The following TRDN variants were observed in gnomAD, a reference collection of about 807,000 sequenced individuals.
The protein encoded by TRDN is triadin.
TRDN carries 161 observed loss-of-function variants against 149.7 expected under a neutral mutation model. The ratio of observed to expected loss-of-function variants is 1.08; its 90% CI spans 0.95 to 1.23. TRDN has a LOEUF of 1.23. Among genes scored for constraint, TRDN ranks in the 50% most tolerant of loss-of-function variants. The probability of loss-of-function intolerance (pLI) is 0.00; values close to 1 mark genes in which losing one functional copy is unlikely to be tolerated. For synonymous variants in TRDN, 294 were observed against 250.5 expected (o/e 1.17, Z -1.64); for missense variants, 896 against 823.5 (o/e 1.09, Z -1.08).
chr6:123,309,584 A>C (rs1778737840), intron 24 of TRDN, among the ~76,000 whole-genome samples: 1 of 151,966 alleles, frequency 6.6e-6, no homozygotes. Flanking sequence ...GTTCCATCAT[A>C]CTTTATAGTA....
chr6:123,597,588 A>G (rs909437373), intron 1 of TRDN, among the ~76,000 whole-genome samples: 7 of 152,046 alleles, frequency 4.6e-5, no homozygotes, highest in Admixed American at 3.9e-4. Flanking sequence ...CGATGCAGCA[A>G]ACTTCATTGT....
At chr6:123,423,456 C>T (rs1018914429) in intron 12 of TRDN, among the ~76,000 whole-genome samples, 3 of 152,056 alleles carry the variant, frequency 2.0e-5, no homozygotes, top group African/African-American at 4.8e-5. Flanking sequence ...TATAAGAAGT[C>T]GTGCAGCAAG....
At chr6:123,596,529 A>G (rs1784045467) in intron 1 of TRDN, among the ~76,000 whole-genome samples, 1 of 152,080 alleles carries the variant, frequency 6.6e-6, no homozygotes, top group South Asian at 2.1e-4. Context: ...GCCATTTAGG[A>G]TTTTTATAAA....
intron 12 of TRDN, among the ~76,000 whole-genome samples, chr6:123,397,752 TTAAC>T (rs1485832724): frequency 2.6e-5 from 4 of 152,192 alleles, no homozygotes; most frequent in African/African-American, 9.6e-5. Flanking sequence ...TTTTGTAAAA[TTAAC>T]TAATTTAGAC....
intron 38 of TRDN, among the ~76,000 whole-genome samples, chr6:123,252,109 T>C (rs1344932387): frequency 6.6e-6 from 1 of 152,116 alleles, no homozygotes; most frequent in East Asian, 1.9e-4. Flanking sequence ...AGATACAGAA[T>C]TATTTTATTT....
intron 5 of TRDN, among the ~76,000 whole-genome samples, chr6:123,522,542 A>C (rs13198128): frequency 0.21 from 12,657 of 61,456 alleles, 905 homozygotes; most frequent in South Asian, 0.35. Flanking sequence ...TTTTTTTTGC[A>C]TTTTCCAAAT....
chr6:123,554,810 C>A (rs1781566822), intron 2 of TRDN, among the ~76,000 whole-genome samples: 1 of 152,130 alleles, frequency 6.6e-6, no homozygotes, highest in Non-Finnish European at 1.5e-5. Context: ...ATGCTCTTTC[C>A]ACTAAGTCAA....
At chr6:123,376,247 C>T (rs959608869) in intron 18 of TRDN, among the ~76,000 whole-genome samples, 1 of 152,066 alleles carries the variant, frequency 6.6e-6, no homozygotes. Flanking sequence ...TTCTTACATG[C>T]GTAAGTGAGA....
chr6:123,511,400 G>A (rs1297625532), intron 7 of TRDN, among the ~76,000 whole-genome samples: 1 of 151,976 alleles, frequency 6.6e-6, no homozygotes, highest in East Asian at 1.9e-4. Flanking sequence ...ACCCTGATTT[G>A]ATCATTATAT....
At chr6:123,405,736 A>G (rs1773167748) in intron 12 of TRDN, among the ~76,000 whole-genome samples, 1 of 152,190 alleles carries the variant, frequency 6.6e-6, no homozygotes, top group Admixed American at 6.5e-5. Context: ...AATTTAATTT[A>G]AAAAACAAAT....
intron 40 of TRDN, among the ~76,000 whole-genome samples, chr6:123,219,388 C>A (rs1195606685): frequency 6.6e-6 from 1 of 151,732 alleles, no homozygotes; most frequent in East Asian, 1.9e-4. Context: ...TAAAAGATGG[C>A]GAGTTTAGCA....
chr6:123,371,809 C>T (rs961344640), intron 19 of TRDN, among the ~76,000 whole-genome samples: 5 of 152,058 alleles, frequency 3.3e-5, no homozygotes, highest in African/African-American at 9.7e-5. Flanking sequence ...AAGGCAGTCC[C>T]AGGTCTCTCA....
chr6:123,531,744 C>T (rs1412933488), intron 4 of TRDN, among the ~76,000 whole-genome samples: 1 of 152,046 alleles, frequency 6.6e-6, no homozygotes, highest in Non-Finnish European at 1.5e-5. Context: ...AGGAAATGCC[C>T]ATCTTCCTGT....
chr6:123,636,679 A>T, intron 1 of TRDN, 75 bp downstream of exon 1: 1 of 1,545,202 alleles, frequency 6.5e-7, no homozygotes, highest in South Asian at 1.1e-5. Context: ...AAATGGACAC[A>T]TCGACAGTTA....
At chr6:123,564,443 G>A (rs1379245176) in intron 2 of TRDN, among the ~76,000 whole-genome samples, 2 of 152,110 alleles carry the variant, frequency 1.3e-5, no homozygotes, top group Non-Finnish European at 2.9e-5. Context: ...TGTTAAATTT[G>A]TACTTTCTGA....
intron 12 of TRDN, among the ~76,000 whole-genome samples, chr6:123,401,714 G>C (rs577002548): frequency 1.8e-4 from 27 of 152,224 alleles, no homozygotes; most frequent in South Asian, 1.5e-3. Flanking sequence ...GGACACCAAG[G>C]TAGGTGGATC....
intron 24 of TRDN, among the ~76,000 whole-genome samples, chr6:123,312,424 T>C (rs1778861345): frequency 6.6e-6 from 1 of 151,862 alleles, no homozygotes; most frequent in Admixed American, 6.6e-5. Flanking sequence ...TCATAGTAAA[T>C]ATATTTTATC....
intron 8 of TRDN, among the ~76,000 whole-genome samples, chr6:123,500,102 C>T (rs1186476471): frequency 1.3e-5 from 2 of 151,960 alleles, no homozygotes; most frequent in Non-Finnish European, 2.9e-5. Flanking sequence ...CAATGAACTT[C>T]TAATTGCAAA....
intron 38 of TRDN, among the ~76,000 whole-genome samples, chr6:123,242,010 C>T (rs1776006639): frequency 6.6e-6 from 1 of 152,162 alleles, no homozygotes; most frequent in Non-Finnish European, 1.5e-5. Context: ...GACTCCCAGA[C>T]TACAGCAACA....
Sources: gnomAD v4.1 joint callset for allele counts (sites outside exome capture counted in the v4.1 genomes callset) on GRCh38, gnomAD v4.1.1 for gene constraint, MANE v1.5 for transcripts, NCBI Gene and HGNC (gene_info 2026-07-23, HGNC 2026-07-21) for gene names.